The following RCBTB2 variants were observed in gnomAD, a reference collection of about 807,000 sequenced individuals.
RCBTB2 encodes the protein RCC1 and BTB domain containing protein 2.
A neutral mutation model predicts 65.4 loss-of-function variants in RCBTB2; 55 were observed. The ratio of observed to expected loss-of-function variants is 0.84; its 90% CI spans 0.68 to 1.05. RCBTB2 has a LOEUF of 1.05. RCBTB2 is among the 50% of genes least tolerant of loss of function. The pLI, the probability that RCBTB2 is intolerant of heterozygous loss-of-function variation, is 0.00. For missense variants in RCBTB2, 599 were observed against 680.1 expected, an observed-to-expected ratio of 0.88 and a Z score of 1.33; for synonymous variants, 220 against 255.2, an observed-to-expected ratio of 0.86 and a Z score of 1.31.
In RCBTB2 at chr13:48,499,420, T is replaced by C. The variant is rs148994928; in HGVS notation, c.1384+201A>G. On this transcript the variant is annotated intron_variant, in intron 13 of 14. Coordinates refer to ENST00000344532, the MANE Select transcript of RCBTB2 (RefSeq NM_001268.4). ...TGCCTGCAATGCTCCACGGTGGTGATGATTTGATTCTTCTCTCTCTTATCT... is the reference window on the plus strand; with the variant it reads ...TGCCTGCAATGCTCCACGGTGGTGACGATTTGATTCTTCTCTCTCTTATCT... 1.8e-4 allele frequency among the ~76,000 whole-genome samples: 28 copies of C among 152,308 alleles called. No individual in the cohort carries two copies. In the East Asian group the frequency reaches 4.6e-3, roughly 25 times the overall value.
intron 6 of RCBTB2, among the ~76,000 whole-genome samples, chr13:48,513,787 C>T (rs1950934641): frequency 6.6e-6 from 1 of 152,166 alleles, no homozygotes. Context: ...ATTTAGTAAT[C>T]CGTTCTTGCT....
chr13:48,514,155 C>A (rs938743761), intron 6 of RCBTB2, among the ~76,000 whole-genome samples: 1 of 152,342 alleles, frequency 6.6e-6, no homozygotes, highest in East Asian at 1.9e-4. Flanking sequence ...AGCATCACTA[C>A]TCTTGCACTT....
rs746957948 is a variant in RCBTB2, at chr13:48,502,879, G to C, written c.962C>G (p.Thr321Arg). The C allele has an allele frequency of 6.2e-7, 1 of 1,613,890 alleles. No homozygotes were observed. The highest frequency in any genetic ancestry group is 8.5e-7 in the Non-Finnish European group (1 of 1,179,846). ...CCCACCCTGCGTCTTGGCCGCAGACGTGTGTGTGGAGTGACAGGCTGCAAT... is the reference window on the plus strand; with the variant it reads ...CCCACCCTGCGTCTTGGCCGCAGACCTGTGTGTGGAGTGACAGGCTGCAAT... Reference protein sequence around the residue: ...IEIAACHSTHTSAAKTQGGHV... With the variant: ...IEIAACHSTHRSAAKTQGGHV... Residue 321 changes from threonine to arginine, a missense_variant, in exon 11 of 15, where the codon ACG becomes AGG. By Grantham distance (71) the Thr-to-Arg change is moderately conservative. Transcript: ENST00000344532.
At chr13:48,527,341 T>TC (rs1566336972) in intron 1 of RCBTB2, among the ~76,000 whole-genome samples, 3 of 124,168 alleles carry the variant, frequency 2.4e-5, no homozygotes, top group African/African-American at 9.9e-5. Flanking sequence ...ATATATGATA[T>TC]ATATATATAT....
At chr13:48,495,226 T>C (rs986670957) in intron 14 of RCBTB2, among the ~76,000 whole-genome samples, 2 of 152,028 alleles carry the variant, frequency 1.3e-5, no homozygotes, top group African/African-American at 2.4e-5. Context: ...TAACAATACA[T>C]GGTCACTGTA....
At chr13:48,533,130 G>A (rs1220006705), upstream of RCBTB2, 2 of 413,588 alleles carry the variant, frequency 4.8e-6, no homozygotes, top group Non-Finnish European at 4.9e-6. Flanking sequence ...CCCTGAAACG[G>A]CCCGGCCTCG....
At chr13:48,495,511 T>C (rs984859023) in intron 14 of RCBTB2, among the ~76,000 whole-genome samples, 1 of 152,240 alleles carries the variant, frequency 6.6e-6, no homozygotes. Context: ...TTTTTCAAAA[T>C]TATAAACTGC....
intron 13 of RCBTB2, among the ~76,000 whole-genome samples, chr13:48,498,040 C>T (rs933255269): frequency 6.6e-6 from 1 of 152,204 alleles, no homozygotes; most frequent in African/African-American, 2.4e-5. Flanking sequence ...GCATAATTGG[C>T]CTTGAGGCCA....
chr13:48,497,448 T>C (rs1950032309), intron 13 of RCBTB2, among the ~76,000 whole-genome samples: 1 of 152,240 alleles, frequency 6.6e-6, no homozygotes, highest in Admixed American at 6.5e-5. Flanking sequence ...AGTACTCTAA[T>C]TGAAGCAGTC....
intron 1 of RCBTB2, among the ~76,000 whole-genome samples, chr13:48,525,937 T>C (rs1292185828): frequency 6.6e-6 from 1 of 152,184 alleles, no homozygotes; most frequent in African/African-American, 2.4e-5. Context: ...GGCTAGACTT[T>C]GATGGGAATT....
At chr13:48,512,209 T>A in intron 7 of RCBTB2, 35 bp from the exon 8 acceptor site, 1 of 1,583,286 alleles carries the variant, frequency 6.3e-7, no homozygotes, top group Non-Finnish European at 8.7e-7. Flanking sequence ...TGAAACAGAT[T>A]AATTTATAAA....
intron 5 of RCBTB2, 102 bp downstream of exon 5, chr13:48,515,484 C>G: frequency 2.4e-6 from 3 of 1,263,896 alleles, no homozygotes; most frequent in Non-Finnish European, 3.2e-6. Flanking sequence ...AATTTCCATG[C>G]TTTTTTTTTT....
Position 48,489,714 on chromosome 13 carries a change from T to C in RCBTB2, c.*397A>G, listed in dbSNP as rs908889104. 34 of 218,626 alleles carry C rather than the reference T, an allele frequency of 1.6e-4. No homozygotes were observed. The highest frequency in any genetic ancestry group is 1.7e-3 in the Middle Eastern group (1 of 600). The allele number at this position is 218,626 out of a possible 1,614,324, so 13.5% of individuals were successfully genotyped here. A position where few individuals can be genotyped will look rare whatever the true frequency, so the allele number is the denominator to read the frequency against. ...ATTATACACAAGGCACTGTGCTGAGTGCTGAAAATGTGGTAAGGACAGACA... is the reference window on the plus strand; with the variant it reads ...ATTATACACAAGGCACTGTGCTGAGCGCTGAAAATGTGGTAAGGACAGACA... On this transcript the variant is annotated 3_prime_UTR_variant, in exon 15 of 15. Transcript: ENST00000344532.
chr13:48,525,383 T>G (rs1441354669), intron 1 of RCBTB2, among the ~76,000 whole-genome samples: 1 of 71,092 alleles, frequency 1.4e-5, no homozygotes, highest in African/African-American at 1.2e-4. Flanking sequence ...GATATATATA[T>G]ATATATATAT....
At chr13:48,524,199 C>A (rs1451066920) in intron 2 of RCBTB2, among the ~76,000 whole-genome samples, 1 of 151,940 alleles carries the variant, frequency 6.6e-6, no homozygotes, top group Non-Finnish European at 1.5e-5. Flanking sequence ...GTGCACTACA[C>A]GTGGAGATTA....
chr13:48,501,594 A>G (rs1280582875), intron 12 of RCBTB2, 148 bp downstream of exon 12: 2 of 627,828 alleles, frequency 3.2e-6, no homozygotes, highest in Non-Finnish European at 5.5e-6. Flanking sequence ...TTTCATGTAT[A>G]TTTCTCCCCG....
chr13:48,506,880 T>C (rs1477746866), intron 10 of RCBTB2, among the ~76,000 whole-genome samples: 4 of 152,236 alleles, frequency 2.6e-5, no homozygotes, highest in African/African-American at 7.2e-5. Context: ...TAATGTTCTA[T>C]GAAAAATGTC....
Position 48,490,020 on chromosome 13 carries a change from CA to C in RCBTB2, c.*90del. The stretch of plus-strand genomic sequence containing the variant: ...TACAAGTACTCAGCCAAACATAGCT[CA>C]TCATACATACTATTAATTAAAGAGA... On this transcript the variant is annotated 3_prime_UTR_variant, in exon 15 of 15. Coordinates refer to ENST00000344532, the MANE Select transcript of RCBTB2 (RefSeq NM_001268.4). 7.2e-7 allele frequency: 1 copy of C among 1,386,222 alleles called. No individual in the cohort carries two copies. Among genetic ancestry groups the C allele is most frequent in the East Asian group, 2.3e-5 (1 of 43,804 alleles). The allele number at this position is 1,386,222 out of a possible 1,614,324, so 85.9% of individuals were successfully genotyped here. A position where few individuals can be genotyped will look rare whatever the true frequency, so the allele number is the denominator to read the frequency against.
intron 4 of RCBTB2, among the ~76,000 whole-genome samples, chr13:48,518,731 T>C (rs1951245751): frequency 6.6e-6 from 1 of 151,962 alleles, no homozygotes; most frequent in Non-Finnish European, 1.5e-5. Flanking sequence ...TTCTTCTCTA[T>C]GACACTTGGT....
Sources: gnomAD v4.1 joint callset for allele counts (sites outside exome capture counted in the v4.1 genomes callset) on GRCh38, gnomAD v4.1.1 for gene constraint, MANE v1.5 for transcripts, NCBI Gene and HGNC (gene_info 2026-07-23, HGNC 2026-07-21) for gene names.